PTPRD: variants seen among roughly 807,000 people sequenced by gnomAD.
The protein encoded by PTPRD is receptor-type tyrosine-protein phosphatase delta.
In PTPRD, 34 loss-of-function variants were observed where a neutral mutation model predicts 214.5. The ratio of observed to expected loss-of-function variants is 0.16; its 90% CI spans 0.12 to 0.21. PTPRD has a LOEUF of 0.21. Ranked by LOEUF, PTPRD falls within the 10% of genes least tolerant of loss-of-function variation. PTPRD has a pLI of 1.00. For missense variants in PTPRD, 2,545 were observed against 2,398.7 expected, an observed-to-expected ratio of 1.06 and a Z score of -1.27; for synonymous variants, 1,128 against 845.7, an observed-to-expected ratio of 1.33 and a Z score of -5.79.
rs149464777 is a variant in PTPRD, at chr9:8,862,930, G to T, written c.-103-128984C>A. 7.6e-3 allele frequency among the ~76,000 whole-genome samples: 1,161 copies of T among 152,286 alleles called. 15 individuals are homozygous for T. The highest frequency in any genetic ancestry group is 0.027 in the African/African-American group (1,104 of 41,554). ...TCTGGGGACGGTTGTGGGGTGGTGG[G>T]GGGGAGGGAGAGCATCGGGAGATAT... On this transcript the variant is annotated intron_variant, in intron 11 of 45. Transcript: ENST00000381196.
chr9:10,208,587 G>T (rs974783201), intron 3 of PTPRD, among the ~76,000 whole-genome samples: 2 of 152,168 alleles, frequency 1.3e-5, no homozygotes, highest in Non-Finnish European at 2.9e-5. Flanking sequence ...TAAATTCACT[G>T]CAGTTTTATC....
At chr9:9,502,736 T>C (rs574303307) in intron 8 of PTPRD, among the ~76,000 whole-genome samples, 1 of 151,934 alleles carries the variant, frequency 6.6e-6, no homozygotes, top group African/African-American at 2.4e-5. Flanking sequence ...TATTCATGTA[T>C]TGTTTATAAA....
intron 5 of PTPRD, among the ~76,000 whole-genome samples, chr9:9,784,618 A>T (rs1007223008): frequency 1.3e-5 from 2 of 151,952 alleles, no homozygotes; most frequent in African/African-American, 4.8e-5. Flanking sequence ...AAATTAGCAG[A>T]TCAATAACCT....
chr9:9,639,033 G>A (rs1021026686), intron 7 of PTPRD, among the ~76,000 whole-genome samples: 1 of 152,144 alleles, frequency 6.6e-6, no homozygotes, highest in African/African-American at 2.4e-5. Context: ...CAATACTGTT[G>A]CATTCGGAAT....
At chr9:9,992,713 C>T (rs2095985660) in intron 4 of PTPRD, among the ~76,000 whole-genome samples, 1 of 151,992 alleles carries the variant, frequency 6.6e-6, no homozygotes, top group Non-Finnish European at 1.5e-5. Context: ...GAAAACCAAA[C>T]ACTGCACGTT....
intron 11 of PTPRD, among the ~76,000 whole-genome samples, chr9:8,906,506 T>C (rs1012390913): frequency 2.0e-4 from 31 of 152,284 alleles, no homozygotes; most frequent in African/African-American, 6.5e-4. Flanking sequence ...AATGAGATAA[T>C]GCTATGATAC....
At chr9:9,166,502 T>C (rs1201333476) in intron 10 of PTPRD, among the ~76,000 whole-genome samples, 1 of 152,276 alleles carries the variant, frequency 6.6e-6, no homozygotes, top group Admixed American at 6.5e-5. Flanking sequence ...ATTCCTCTCC[T>C]GTGTGGCTCA....
chr9:8,911,603 G>C (rs931013846), intron 11 of PTPRD, among the ~76,000 whole-genome samples: 5 of 152,076 alleles, frequency 3.3e-5, no homozygotes, highest in Admixed American at 3.3e-4. Context: ...TGTGATCATA[G>C]ATTAGGTAAA....
intron 3 of PTPRD, among the ~76,000 whole-genome samples, chr9:10,178,165 T>C (rs529930701): frequency 6.6e-6 from 1 of 152,052 alleles, no homozygotes; most frequent in South Asian, 2.1e-4. Context: ...TTCTAAGTTG[T>C]AAAAGATATT....
intron 2 of PTPRD, among the ~76,000 whole-genome samples, chr9:10,414,479 C>A (rs1352297544): frequency 6.6e-6 from 1 of 151,866 alleles, no homozygotes; most frequent in East Asian, 1.9e-4. Flanking sequence ...AACACTTAGA[C>A]ACTGTTGGTG....
At chr9:8,929,780 G>GTATATAT (rs1272978143) in intron 11 of PTPRD, among the ~76,000 whole-genome samples, 4 of 82,444 alleles carry the variant, frequency 4.9e-5, no homozygotes, top group South Asian at 3.8e-4. Flanking sequence ...TATATATATG[G>GTATATAT]GTGTGTATAT....
intron 8 of PTPRD, among the ~76,000 whole-genome samples, chr9:9,517,839 C>T (rs1427244278): frequency 6.6e-6 from 1 of 151,914 alleles, no homozygotes; most frequent in Non-Finnish European, 1.5e-5. Flanking sequence ...ATAGACAATG[C>T]TTACACAAGT....
intron 8 of PTPRD, among the ~76,000 whole-genome samples, chr9:9,546,636 G>C (rs915289980): frequency 3.3e-5 from 5 of 151,588 alleles, no homozygotes; most frequent in African/African-American, 9.7e-5. Context: ...TGGCAGTAAT[G>C]CACAAATTTA....
chr9:10,104,193 G>T (rs1247442516), intron 3 of PTPRD, among the ~76,000 whole-genome samples: 3 of 151,640 alleles, frequency 2.0e-5, no homozygotes, highest in Non-Finnish European at 4.4e-5. Flanking sequence ...ATTGTATAAT[G>T]GGTACAGAAT....
At chr9:10,371,360 T>C (rs376177672) in intron 2 of PTPRD, among the ~76,000 whole-genome samples, 2 of 152,032 alleles carry the variant, frequency 1.3e-5, no homozygotes, top group African/African-American at 4.8e-5. Flanking sequence ...TGCATATTAG[T>C]ATTATGTTTA....
intron 8 of PTPRD, among the ~76,000 whole-genome samples, chr9:9,463,608 C>T (rs1465566075): frequency 6.6e-6 from 1 of 152,048 alleles, no homozygotes; most frequent in Middle Eastern, 3.2e-3. Context: ...AGAAAACATA[C>T]AATTTTTTAA....
chr9:8,350,133 G>T (rs1027358600), intron 39 of PTPRD, among the ~76,000 whole-genome samples: 4 of 152,050 alleles, frequency 2.6e-5, no homozygotes, highest in Admixed American at 6.6e-5. Context: ...CGGGCTTAAT[G>T]TCCCGTGATG....
chr9:9,832,359 CTG>C (rs2055165628), intron 5 of PTPRD, among the ~76,000 whole-genome samples: 1 of 151,900 alleles, frequency 6.6e-6, no homozygotes. Flanking sequence ...AGATATGTAA[CTG>C]TGTATTTTTC....
At chr9:10,571,450 G>A (rs2067404661) in intron 2 of PTPRD, among the ~76,000 whole-genome samples, 1 of 152,014 alleles carries the variant, frequency 6.6e-6, no homozygotes, top group Non-Finnish European at 1.5e-5. Flanking sequence ...AAATTTTAAT[G>A]GTTTCCATGA....
Sources: allele counts gnomAD v4.1 joint callset (sites outside exome capture counted in the v4.1 genomes callset), GRCh38; gene constraint gnomAD v4.1.1; transcripts MANE v1.5; gene names NCBI Gene and HGNC (gene_info 2026-07-23, HGNC 2026-07-21).